BPTF: variants seen among roughly 807,000 people sequenced by gnomAD.
BPTF encodes the protein bromodomain PHD finger transcription factor.
BPTF carries 18 observed loss-of-function variants against 292.5 expected under a neutral mutation model. The ratio of observed to expected loss-of-function variants is 0.06; its 90% CI spans 0.04 to 0.09. The LOEUF is 0.09. BPTF is among the 10% of genes least tolerant of loss of function. The pLI, the probability that BPTF is intolerant of heterozygous loss-of-function variation, is 1.00. For synonymous variants in BPTF, 1,225 were observed against 1,251.9 expected (o/e 0.98, Z 0.45); for missense variants, 2,726 against 3,498.7 (o/e 0.78, Z 5.57).
Position 67,912,062 on chromosome 17 carries a change from G to C in BPTF, c.4178G>C (p.Arg1393Pro), listed in dbSNP as rs954187761. ...ACTGACAAAAAGAATAATGAAAATCGAGAGTCTGAAAAGAAAGGACAGAGA... is the reference window on the plus strand; with the variant it reads ...ACTGACAAAAAGAATAATGAAAATCCAGAGTCTGAAAAGAAAGGACAGAGA... ...NTTDKKNNENRESEKKGQRTS... is the reference protein window; with the variant it reads ...NTTDKKNNENPESEKKGQRTS... Residue 1393 changes from arginine to proline, a missense_variant, in exon 11 of 28, where the codon CGA becomes CCA. By Grantham distance (103) the Arg-to-Pro change is moderately radical. Transcript: ENST00000306378. 2 of 1,610,662 alleles carry C rather than the reference G, an allele frequency of 1.2e-6. No homozygotes were observed. The highest frequency in any genetic ancestry group is 1.7e-6 in the Non-Finnish European group (2 of 1,179,112).
intron 15 of BPTF, among the ~76,000 whole-genome samples, chr17:67,925,308 G>A (rs992027371): frequency 1.3e-5 from 2 of 152,038 alleles, no homozygotes; most frequent in Non-Finnish European, 2.9e-5. Flanking sequence ...AACTCCATAA[G>A]AGTTTGTTGT....
At chr17:67,976,900 T>C (rs1195675199) in intron 27 of BPTF, among the ~76,000 whole-genome samples, 3 of 151,960 alleles carry the variant, frequency 2.0e-5, no homozygotes, top group Non-Finnish European at 4.4e-5. Flanking sequence ...AGGGGGACAG[T>C]TGATAAACAT....
At chr17:67,954,117 G>T (rs2066693119) in intron 23 of BPTF, among the ~76,000 whole-genome samples, 1 of 23,934 alleles carries the variant, frequency 4.2e-5, no homozygotes, top group South Asian at 0.036. Flanking sequence ...CTCCCAAGCA[G>T]CTGGGACTAC....
At chr17:67,981,866 A>AACAGAC (rs1555696751) in intron 27 of BPTF, 2 of 133,956 alleles carry the variant, frequency 1.5e-5, no homozygotes, top group Non-Finnish European at 3.1e-5. Context: ...AATGTAAATA[A>AACAGAC]ACACACACAC....
chr17:67,976,510 A>T (rs1269712179), intron 27 of BPTF, among the ~76,000 whole-genome samples: 5 of 151,732 alleles, frequency 3.3e-5, no homozygotes, highest in African/African-American at 1.2e-4. Flanking sequence ...ACATAATGAG[A>T]CCATGTCTCT....
chr17:67,982,280 G>A lies in BPTF; in HGVS notation c.8755G>A (p.Ala2919Thr). ...TCATAACAACAAACTGCAGTCTACAGCTTCTTAAAGTTCAGCGTGTTAACC... is the reference window on the plus strand; with the variant it reads ...TCATAACAACAAACTGCAGTCTACAACTTCTTAAAGTTCAGCGTGTTAACC... ...RSHNNKLQST[A>T]S Residue 2919 changes from alanine (A) to threonine (T), a missense_variant, in exon 28 of 28, where the codon GCT becomes ACT. This residue lies in a region of BPTF where 21 missense variants were observed against 16.1 expected (regional missense o/e 1.30). Coordinates refer to ENST00000306378, the MANE Select transcript of BPTF (RefSeq NM_182641.4). 1 of 1,611,420 alleles carries A rather than the reference G, an allele frequency of 6.2e-7. No homozygotes were observed. Among genetic ancestry groups the A allele is most frequent in the Non-Finnish European group, 8.5e-7 (1 of 1,178,124 alleles).
intron 7 of BPTF, among the ~76,000 whole-genome samples, chr17:67,894,404 C>T (rs2061315814): frequency 7.9e-6 from 1 of 125,830 alleles, no homozygotes; most frequent in Admixed American, 7.8e-5. Context: ...TCTCGGCTTG[C>T]TGTAACCTCT....
At position 67,963,565 on chromosome 17, in the gene BPTF, GTTAC is replaced by G. The variant is rs1333677538; in HGVS notation, c.8262-643_8262-640del. 1.1e-5 allele frequency: 14 copies of G among 1,298,722 alleles called. No homozygotes were observed. In the South Asian group the frequency reaches 3.2e-4, roughly 30 times the overall value. 80.4% of individuals were successfully genotyped at this position (1,298,722 alleles called of 1,614,324 possible). On this transcript the variant is annotated intron_variant, in intron 24 of 27. Coordinates refer to ENST00000306378, the MANE Select transcript of BPTF (RefSeq NM_182641.4). ...TTAGGAAGCCAAATTGCTCTGACTGGTTACTTATTTATTTTAAAATAAAAAGCAG... is the reference window on the plus strand; with the variant it reads ...TTAGGAAGCCAAATTGCTCTGACTGGTTATTTATTTTAAAATAAAAAGCAG...
chr17:67,951,693 T>TAA (rs2066374388), intron 23 of BPTF: 1 of 152,198 alleles, frequency 6.6e-6, no homozygotes, highest in Non-Finnish European at 1.5e-5. Context: ...TATATTACTT[T>TAA]AATGTATGTA....
Position 67,967,744 on chromosome 17 carries a change from G to A in BPTF, c.8539+1088G>A, listed in dbSNP as rs934311914. Among the ~76,000 whole-genome samples the A allele has an allele frequency of 1.9e-4, 29 of 151,556 alleles. 2 individuals are homozygous for A. Among genetic ancestry groups the A allele is most frequent in the African/African-American group, 4.1e-4 (17 of 41,058 alleles). On this transcript the variant is annotated intron_variant, in intron 26 of 27. Coordinates refer to ENST00000306378, the MANE Select transcript of BPTF (RefSeq NM_182641.4). ...TGAGGCACAAGAATCACTTGAACCC[G>A]GGAGGCAGAGGTTGCAGTGAGCTGA...
In BPTF at chr17:67,945,934, C is replaced by T. The variant is rs568166429; in HGVS notation, c.7226C>T (p.Thr2409Ile). The T allele has an allele frequency of 1.9e-6, 3 of 1,614,190 alleles. No individual in the cohort carries two copies. The highest frequency in any genetic ancestry group is 2.2e-5 in the East Asian group (1 of 44,886). Residue 2409 changes from threonine (T) to isoleucine (I), a missense_variant, in exon 21 of 28, where the codon ACT becomes ATT. By Grantham distance (89) the Thr-to-Ile change is moderately conservative. Transcript: ENST00000306378. Reference sequence around the variant, plus strand: ...ACTCAAACTCTTTCATCAGGACAAACTTTAAATCAAGTTACTGTTTCATCC... The same window carrying T: ...ACTCAAACTCTTTCATCAGGACAAATTTTAAATCAAGTTACTGTTTCATCC... ...SSTQTLSSGQ[T>I]LNQVTVSSPS...
intron 3 of BPTF, among the ~76,000 whole-genome samples, chr17:67,869,549 A>G (rs2145568501): frequency 6.6e-6 from 1 of 152,306 alleles, no homozygotes; most frequent in East Asian, 1.9e-4. Context: ...TAAATAACCA[A>G]CTGGATCAGG....
chr17:67,855,726 A>G (rs1053376064), intron 2 of BPTF, among the ~76,000 whole-genome samples: 34 of 152,308 alleles, frequency 2.2e-4, no homozygotes, highest in African/African-American at 8.2e-4. Context: ...GGGATGGGCT[A>G]CTTTGTGTCT....
chr17:67,900,551 G>C (rs982880944), intron 7 of BPTF, among the ~76,000 whole-genome samples: 6 of 150,422 alleles, frequency 4.0e-5, no homozygotes, highest in African/African-American at 1.5e-4. Context: ...GCAACATAGG[G>C]AGACCCTGTC....
chr17:67,905,704 A>G (rs1262358338), intron 9 of BPTF, among the ~76,000 whole-genome samples: 1 of 152,040 alleles, frequency 6.6e-6, no homozygotes, highest in Non-Finnish European at 1.5e-5. Flanking sequence ...ACCAGACTCA[A>G]TCTCTTAAAA....
rs2065869289 is a variant in BPTF at position 67,947,109 on chromosome 17, CAT to C, written c.7618-616_7618-615del. Reference sequence around the variant, plus strand: ...CTTAAAACCCTTCTCTTTCCAGCCACATGAGATTATTGCAATGATTAAATGAG... The same window carrying C: ...CTTAAAACCCTTCTCTTTCCAGCCACGAGATTATTGCAATGATTAAATGAG... On this transcript the variant is annotated intron_variant, in intron 21 of 27. Transcript: ENST00000306378. Among the ~76,000 whole-genome samples, 3 of 152,308 alleles carry C rather than the reference CAT, an allele frequency of 2.0e-5. No homozygotes were observed. The East Asian group carries it at 5.8e-4, about 29-fold the overall frequency.
chr17:67,895,589 A>G lies in BPTF; in HGVS notation c.2543+1424A>G, dbSNP rs149565165. Among the ~76,000 whole-genome samples the G allele has an allele frequency of 8.4e-3, 1,273 of 151,500 alleles. 15 individuals are homozygous for G. The highest frequency in any genetic ancestry group is 0.012 in the Non-Finnish European group (831 of 67,938). ...GTTATCCTCTCACCTCAGCCTCCTG[A>G]GTAGTTGGGACTACAGACGCATTCC... On this transcript the variant is annotated intron_variant, in intron 7 of 27. Transcript: ENST00000306378.
Position 67,843,754 on chromosome 17 carries a change from C to CTTTTTT in BPTF, c.614-10163_614-10158dup, listed in dbSNP as rs56335701. Among the ~76,000 whole-genome samples, 51 of 62,222 alleles carry CTTTTTT rather than the reference C, an allele frequency of 8.2e-4. 6 individuals carry two copies. The highest frequency in any genetic ancestry group is 2.3e-3 in the African/African-American group (28 of 11,924). 40.8% of individuals were successfully genotyped at this position (62,222 alleles called of 152,430 possible). A position where few individuals can be genotyped will look rare whatever the true frequency, so the allele number is the denominator to read the frequency against. On this transcript the variant is annotated intron_variant, in intron 1 of 27. Coordinates refer to ENST00000306378, the MANE Select transcript of BPTF (RefSeq NM_182641.4). ...TTTTTAAATTGTCTGGAGCAGTTGTCTTTTTTTTTTTTTTTTTTTTTTTTT... is the reference window on the plus strand; with the variant it reads ...TTTTTAAATTGTCTGGAGCAGTTGTCTTTTTTTTTTTTTTTTTTTTTTTTTTTTTTT...
intron 11 of BPTF, among the ~76,000 whole-genome samples, chr17:67,913,860 C>T (rs1055859696): frequency 2.0e-5 from 3 of 152,152 alleles, no homozygotes; most frequent in African/African-American, 7.2e-5. Context: ...AAATTCTTAT[C>T]TTTTGTAAAT....
Sources: gnomAD v4.1 joint callset for allele counts (sites outside exome capture counted in the v4.1 genomes callset) on GRCh38, gnomAD v4.1.1 for gene constraint, gnomAD v4.1.1 regional missense constraint, MANE v1.5 for transcripts, NCBI Gene and HGNC (gene_info 2026-07-23, HGNC 2026-07-21) for gene names.